The following HR variants were observed in gnomAD, a reference collection of about 807,000 sequenced individuals.
HR encodes lysine-specific demethylase hairless.
A neutral mutation model predicts 128.6 loss-of-function variants in HR; 83 were observed. That is an observed-to-expected ratio of 0.65 (90% CI 0.54 to 0.77). HR has a LOEUF of 0.77. Among genes scored for constraint, HR ranks in the 30% least tolerant of loss-of-function variants. The probability of loss-of-function intolerance (pLI) is 0.00; values close to 1 mark genes in which losing one functional copy is unlikely to be tolerated. For synonymous variants in HR, 681 were observed against 658.2 expected (o/e 1.03, Z -0.53); for missense variants, 1,490 against 1,574.6 (o/e 0.95, Z 0.91).
At chr8:22,120,037 G>A (rs1826695695) in intron 13 of HR, 67 bp downstream of exon 13, 1 of 1,564,916 alleles carries the variant, frequency 6.4e-7, no homozygotes, top group Non-Finnish European at 8.7e-7. Flanking sequence ...GAGGAGGAGG[G>A]GAGGGCTGAA....
chr8:22,121,650 G>A lies in HR; in HGVS notation c.2166C>T (p.Cys722=), dbSNP rs200854129. 146 of 1,614,046 alleles carry A rather than the reference G, an allele frequency of 9.0e-5. No individual in the cohort carries two copies. The highest frequency in any genetic ancestry group is 2.7e-5 in the Non-Finnish European group (32 of 1,180,046). Residue 722 remains cysteine (C), a synonymous_variant, in exon 9 of 19, where the codon TGC becomes TGT. Coordinates refer to ENST00000381418, the MANE Select transcript of HR (RefSeq NM_005144.5). The stretch of plus-strand genomic sequence containing the variant: ...TCTTGGTCCTGTGGGTGTCGCCATT[G>A]CAGGAAGGTTGTGGAGTTGGGGGCG... The part of the protein sequence containing the change: ...QKTPPTPQPS[C]NGDTHRTKSI...
rs1826657451 is a variant in HR at position 22,118,853 on chromosome 8, CA to C, written c.3213+96del. On this transcript the variant is annotated intron_variant, in intron 16 of 18. Transcript: ENST00000381418. ...GTGCAGCTCACCTGAGGGCGTGGGG[CA>C]GGGAGCGAGCACATGGGACCGCACA... The C allele has an allele frequency of 4.0e-6, 4 of 1,011,524 alleles. No homozygotes were observed. In the Admixed American group the frequency reaches 5.5e-5, roughly 14 times the overall value. 62.7% of individuals were successfully genotyped at this position (1,011,524 alleles called of 1,614,324 possible). A position where few individuals can be genotyped will look rare whatever the true frequency, so the allele number is the denominator to read the frequency against.
Position 22,121,218 on chromosome 8 carries a change from A to T in HR, c.2214T>A (p.Asp738Glu). ...GGTCCTCTGCTGGGGTCTCAGCGGA[A>T]TCGGGGGTCTCTGTCAGGGAGGAAG... is the stretch of plus-strand genomic sequence containing the variant. ...RTKSIKEETP[D>E]SAETPAEDRA... The change falls in exon 10 of 19, where the codon GAT becomes GAA. Residue 738 changes from aspartate to glutamate, a missense_variant. Coordinates refer to ENST00000381418, the MANE Select transcript of HR (RefSeq NM_005144.5). 1 of 1,613,744 alleles carries T rather than the reference A, an allele frequency of 6.2e-7. No homozygotes were observed. Among genetic ancestry groups the T allele is most frequent in the East Asian group, 2.2e-5 (1 of 44,876 alleles).
chr8:22,120,121 C>T lies in HR; in HGVS notation c.2829G>A (p.Gly943=). The change falls in exon 13 of 19, where the codon GGG becomes GGA. Residue 943 remains glycine, a synonymous_variant. Coordinates refer to ENST00000381418, the MANE Select transcript of HR (RefSeq NM_005144.5). ...GSVLLLHRAL[G]DEDTSRVENL... is the part of the protein sequence containing the mutation. ...ATACACACCTGCTGGTGTCCTCATCCCCCAAAGCTCGGTGCAGCAGGAGGA... is the reference window on the plus strand; with the variant it reads ...ATACACACCTGCTGGTGTCCTCATCTCCCAAAGCTCGGTGCAGCAGGAGGA... 6.3e-7 allele frequency: 1 copy of T among 1,590,320 alleles called. No individual in the cohort carries two copies. The highest frequency in any genetic ancestry group is 1.1e-5 in the South Asian group (1 of 87,424).
intron 1 of HR, 36 bp from the exon 2 acceptor site, chr8:22,129,246 C>T (rs746696585): frequency 2.0e-6 from 3 of 1,492,436 alleles, no homozygotes; most frequent in East Asian, 2.3e-5. Flanking sequence ...GCTTCTGGGG[C>T]ACATGTCCCA....
chr8:22,128,395 G>T, intron 2 of HR, 164 bp downstream of exon 2: 6 of 957,666 alleles, frequency 6.3e-6, no homozygotes, highest in Non-Finnish European at 8.0e-6. Context: ...TCAGGGTAGG[G>T]CTTGCTTGGG....
At chr8:22,119,334 C>T (rs931574372) in intron 14 of HR, 51 bp from the exon 15 acceptor site, 17 of 1,610,444 alleles carry the variant, frequency 1.1e-5, no homozygotes, top group African/African-American at 1.3e-5. Flanking sequence ...GAGAGCCAGG[C>T]GCGGTTGCTC....
chr8:22,117,024 C>T lies in HR; in HGVS notation c.3229G>A (p.Ala1077Thr), dbSNP rs956396914. ...GGGGCGCCAGGCTCCAGGGCGCCTGCCCCGGCCGGGCACACCTCAAAGAAG... is the reference window on the plus strand; with the variant it reads ...GGGGCGCCAGGCTCCAGGGCGCCTGTCCCGGCCGGGCACACCTCAAAGAAG... ...RFLQMVCPAG[A>T]GALEPGAPGS... is the part of the protein sequence containing the mutation. The change falls in exon 17 of 19, where the codon GCA becomes ACA. Residue 1077 changes from alanine (A) to threonine (T), a missense_variant. Ala to Thr is a moderately conservative substitution (Grantham distance 58). Around this residue, in one of 3 missense-constraint regions of HR, gnomAD observed 423 missense variants for 495.9 expected, o/e 0.85. Transcript: ENST00000381418. 6.6e-7 allele frequency: 1 copy of T among 1,509,182 alleles called. No individual in the cohort carries two copies. The highest frequency in any genetic ancestry group is 8.8e-7 in the Non-Finnish European group (1 of 1,134,574). 93.5% of individuals were successfully genotyped at this position (1,509,182 alleles called of 1,614,324 possible). A position where few individuals can be genotyped will look rare whatever the true frequency, so the allele number is the denominator to read the frequency against.
At position 22,119,782 on chromosome 8, in the gene HR, C is replaced by A. The variant is rs778641376; in HGVS notation, c.2955G>T (p.Glu985Asp). The change falls in exon 14 of 19, where the codon GAG becomes GAT. Residue 985 changes from glutamate (E) to aspartate (D), a missense_variant. Glu to Asp is a conservative substitution (Grantham distance 45). Transcript: ENST00000381418. ...LPPGLALRPL[E>D]PQLWAAYGVS... Reference sequence around the variant, plus strand: ...CACCATAGGCTGCCCAGAGCTGGGGCTCCAGTGGACGCAGGGCAAGGCCCG... The same window carrying A: ...CACCATAGGCTGCCCAGAGCTGGGGATCCAGTGGACGCAGGGCAAGGCCCG... 2 of 1,612,694 alleles carry A rather than the reference C, an allele frequency of 1.2e-6. No homozygotes were observed. The highest frequency in any genetic ancestry group is 1.1e-5 in the South Asian group (1 of 90,890).
Position 22,121,310 on chromosome 8 carries a change from C to T in HR, c.2204-82G>A, listed in dbSNP as rs560464452. 469 of 1,538,316 alleles carry T rather than the reference C, an allele frequency of 3.0e-4. 1 individual carries two copies. Among genetic ancestry groups the T allele is most frequent in the South Asian group, 1.5e-3 (125 of 82,502 alleles). ...AGGCCCTCTTGCCCATGCTGCTCTT[C>T]CCTCTCTTCCTGGCTGAGCCCACTC... On this transcript the variant is annotated intron_variant, in intron 9 of 18. Transcript: ENST00000381418.
Position 22,123,735 on chromosome 8 carries a change from G to T in HR, c.1829C>A (p.Thr610Asn). Residue 610 changes from threonine (T) to asparagine (N), a missense_variant, in exon 6 of 19, where the codon ACC becomes AAC. Thr to Asn is a moderately conservative substitution (Grantham distance 65, BLOSUM62 0). Around this residue, in one of 3 missense-constraint regions of HR, gnomAD observed 1,060 missense variants for 1,060.9 expected, o/e 1.00. Transcript: ENST00000381418. Reference sequence around the variant, plus strand: ...GCTGCAGCGGGGACATCGCCAGTGGGTGTTGAAGAGTCCATGGTGGCAACG... The same window carrying T: ...GCTGCAGCGGGGACATCGCCAGTGGTTGTTGAAGAGTCCATGGTGGCAACG... The part of the protein sequence containing the change: ...CSRCHHGLFN[T>N]HWRCPRCSHR... 6.3e-7 allele frequency: 1 copy of T among 1,595,688 alleles called. No individual in the cohort carries two copies. Among genetic ancestry groups the T allele is most frequent in the Non-Finnish European group, 8.5e-7 (1 of 1,175,570 alleles).
chr8:22,127,172 C>T lies in HR; in HGVS notation c.1270G>A (p.Gly424Ser). The change falls in exon 3 of 19, where the codon GGC becomes AGC. Residue 424 changes from glycine to serine, a missense_variant. This residue lies in a region of HR where 1,060 missense variants were observed against 1,060.9 expected (regional missense o/e 1.00). Transcript: ENST00000381418. ...GGTGGCCGCTTGGGGGCTGGACTGCCCATTGCTCCCTGGACCTCGGGGCTG... is the reference window on the plus strand; with the variant it reads ...GGTGGCCGCTTGGGGGCTGGACTGCTCATTGCTCCCTGGACCTCGGGGCTG... ...AGSPEVQGAM[G>S]SPAPKRPPDP... The T allele has an allele frequency of 6.2e-7, 1 of 1,612,896 alleles. No individual in the cohort carries two copies. The highest frequency in any genetic ancestry group is 8.5e-7 in the Non-Finnish European group (1 of 1,179,952).
At position 22,116,749 on chromosome 8, in the gene HR, G is replaced by T; in HGVS notation, c.3378+126C>A. 1 of 1,310,852 alleles carries T rather than the reference G, an allele frequency of 7.6e-7. No homozygotes were observed. The highest frequency in any genetic ancestry group is 1.1e-6 in the Non-Finnish European group (1 of 943,240). 81.2% of individuals were successfully genotyped at this position (1,310,852 alleles called of 1,614,324 possible). A position where few individuals can be genotyped will look rare whatever the true frequency, so the allele number is the denominator to read the frequency against. On this transcript the variant is annotated intron_variant, in intron 17 of 18. Transcript: ENST00000381418. The surrounding 1 kb of genome is among the most constrained non-coding windows in gnomAD (Gnocchi z 4.2). ...GCTCCCCCGTTATCTCTTCCCCACAGCAGCGTGCGGCTCCCTGCCCTGCCC... is the reference window on the plus strand; with the variant it reads ...GCTCCCCCGTTATCTCTTCCCCACATCAGCGTGCGGCTCCCTGCCCTGCCC...
At position 22,127,472 on chromosome 8, in the gene HR, G is replaced by C. The variant is rs143170974; in HGVS notation, c.970C>G (p.Arg324Gly). Residue 324 changes from arginine (R) to glycine (G), a missense_variant, in exon 3 of 19, where the codon CGG (arginine) becomes GGG (glycine). Physicochemically the swap from Arg to Gly is moderately radical, Grantham distance 125. Transcript: ENST00000381418. ...CPSPEPPVTQRGCCSSYPPTK... is the reference protein window; with the variant it reads ...CPSPEPPVTQGGCCSSYPPTK... ...GGTGGGTAGGATGAACAGCAGCCCC[G>C]CTGGGTGACAGGCGGCTCAGGAGAG... The C allele has an allele frequency of 4.3e-6, 7 of 1,610,864 alleles. No homozygotes were observed. The highest frequency in any genetic ancestry group is 1.7e-5 in the Admixed American group (1 of 59,946).
chr8:22,123,617 T>TCCGC, intron 6 of HR, 32 bp downstream of exon 6: 1 of 292,092 alleles, frequency 3.4e-6, no homozygotes, highest in Non-Finnish European at 6.2e-6. Flanking sequence ...GAGGGCTCCA[T>TCCGC]CCCGCCCTCC....
At chr8:22,123,617 T>TTGGGGGCGCCC in intron 6 of HR, 32 bp downstream of exon 6, 3 of 292,092 alleles carry the variant, frequency 1.0e-5, no homozygotes, top group Non-Finnish European at 1.9e-5. Context: ...GAGGGCTCCA[T>TTGGGGGCGCCC]CCCGCCCTCC....
rs1353902821 is a variant in HR, at chr8:22,116,901, G to C, written c.3352C>G (p.Leu1118Val). 6.4e-7 allele frequency: 1 copy of C among 1,567,344 alleles called. No homozygotes were observed. Among genetic ancestry groups the C allele is most frequent in the Non-Finnish European group, 8.6e-7 (1 of 1,161,424 alleles). Residue 1118 changes from leucine (L) to valine (V), a missense_variant, in exon 17 of 19, where the codon CTG becomes GTG. Physicochemically the swap from Leu to Val is conservative, Grantham distance 32. Around this residue, in one of 3 missense-constraint regions of HR, gnomAD observed 423 missense variants for 495.9 expected, o/e 0.85. Transcript: ENST00000381418. The surrounding 1 kb of genome is among the most constrained non-coding windows in gnomAD (Gnocchi z 4.2). ...TGGTGGGGAGCCCCTGCAGGCACCA[G>C]CACGGCCTCTCCGGGGGCCTGGAGC... ...TLLQAPGEAVLVPAGAPHQVQ... is the reference protein window; with the variant it reads ...TLLQAPGEAVVVPAGAPHQVQ...
intron 8 of HR, 21 bp from the exon 9 acceptor site, chr8:22,121,715 C>G: frequency 3.1e-6 from 5 of 1,608,520 alleles, no homozygotes; most frequent in Non-Finnish European, 4.3e-6. Flanking sequence ...CATCCACCAC[C>G]CCCCCAATCC....
intron 14 of HR, 33 bp from the exon 15 acceptor site, chr8:22,119,316 T>C (rs1826674398): frequency 6.2e-7 from 1 of 1,612,626 alleles, no homozygotes; most frequent in South Asian, 1.1e-5. Context: ...CAGTTAGAAA[T>C]GGAATCAGAG....
Sources: gnomAD v4.1 joint callset for allele counts on GRCh38, gnomAD v4.1.1 for gene constraint, gnomAD v4.1.1 regional missense constraint, Gnocchi (gnomAD v3.1) non-coding constraint, MANE v1.5 for transcripts, NCBI Gene and HGNC (gene_info 2026-07-23, HGNC 2026-07-21) for gene names.